Variants in CSMD1 observed in about 807,000 individuals in gnomAD.
CSMD1 encodes CUB and sushi domain-containing protein 1.
Under a neutral mutation model 417.5 loss-of-function variants are expected in CSMD1, and 213 were observed. The observed-to-expected ratio is 0.51, with a 90% CI of 0.46 to 0.57. CSMD1 has a LOEUF of 0.57. Ranked by LOEUF, CSMD1 falls within the 20% of genes least tolerant of loss-of-function variation. The pLI is 0.00. For synonymous variants in CSMD1, 2,862 were observed against 1,736.8 expected (o/e 1.65, Z -16.11); for missense variants, 6,923 against 4,529.7 (o/e 1.53, Z -15.17).
At chr8:3,927,208 A>C (rs970131046) in intron 5 of CSMD1, among the ~76,000 whole-genome samples, 1 of 152,028 alleles carries the variant, frequency 6.6e-6, no homozygotes, top group African/African-American at 2.4e-5. Context: ...ACAGCTTCTA[A>C]TAAATAAATG....
chr8:4,355,592 G>A (rs1429569412), intron 3 of CSMD1, among the ~76,000 whole-genome samples: 1 of 152,180 alleles, frequency 6.6e-6, no homozygotes, highest in Non-Finnish European at 1.5e-5. Flanking sequence ...GGACCAGAGT[G>A]TTCAGACAGA....
intron 1 of CSMD1, among the ~76,000 whole-genome samples, chr8:4,654,732 AATTC>A (rs1804122497): frequency 6.6e-6 from 1 of 152,110 alleles, no homozygotes; most frequent in Non-Finnish European, 1.5e-5. Flanking sequence ...ATGCATTCAT[AATTC>A]AGACAGAGAA....
intron 5 of CSMD1, among the ~76,000 whole-genome samples, chr8:3,888,975 T>C (rs1320125001): frequency 6.6e-6 from 1 of 152,164 alleles, no homozygotes; most frequent in Non-Finnish European, 1.5e-5. Flanking sequence ...TTAAAGAAAC[T>C]TTATCCTTTA....
chr8:3,695,645 G>A (rs1800509288), intron 7 of CSMD1, among the ~76,000 whole-genome samples: 1 of 152,064 alleles, frequency 6.6e-6, no homozygotes. Context: ...AGGAAATTTA[G>A]GTCGAAATAT....
At chr8:4,107,281 A>G (rs756198818) in intron 3 of CSMD1, among the ~76,000 whole-genome samples, 2 of 152,204 alleles carry the variant, frequency 1.3e-5, no homozygotes, top group Non-Finnish European at 2.9e-5. Flanking sequence ...TGCCATTTCA[A>G]CACGCTGCAC....
intron 54 of CSMD1, among the ~76,000 whole-genome samples, chr8:2,984,997 G>A (rs887430036): frequency 6.6e-6 from 1 of 152,150 alleles, no homozygotes; most frequent in Admixed American, 6.5e-5. Flanking sequence ...TAAGTTAACA[G>A]TTAACTCTGA....
intron 25 of CSMD1, among the ~76,000 whole-genome samples, chr8:3,300,741 G>C (rs1804328130): frequency 6.6e-6 from 1 of 151,996 alleles, no homozygotes. Context: ...CAGATCATTG[G>C]AGGTCAGGAG....
intron 51 of CSMD1, among the ~76,000 whole-genome samples, chr8:3,028,644 C>T (rs555577400): frequency 1.4e-4 from 21 of 152,302 alleles, no homozygotes; most frequent in Admixed American, 1.2e-3. Context: ...TTATCAAAGA[C>T]AGTTAAACAT....
chr8:4,885,659 TC>T (rs1164804103), intron 1 of CSMD1, among the ~76,000 whole-genome samples: 1 of 151,776 alleles, frequency 6.6e-6, no homozygotes, highest in Non-Finnish European at 1.5e-5. Flanking sequence ...AATCAACCTT[TC>T]TTTCTTCATT....
chr8:3,632,225 C>A (rs1387583218), intron 7 of CSMD1, among the ~76,000 whole-genome samples: 1 of 152,300 alleles, frequency 6.6e-6, no homozygotes, highest in East Asian at 1.9e-4. Context: ...AAAATGCAAT[C>A]ATTTCTAGGG....
intron 3 of CSMD1, among the ~76,000 whole-genome samples, chr8:4,053,641 G>T (rs2554534): frequency 1.6e-4 from 25 of 152,120 alleles, no homozygotes; most frequent in South Asian, 6.2e-4. Flanking sequence ...GTCTTGCATA[G>T]AGTGTCATAT....
intron 3 of CSMD1, among the ~76,000 whole-genome samples, chr8:4,231,750 A>G (rs1001364923): frequency 4.6e-5 from 7 of 152,204 alleles, no homozygotes; most frequent in African/African-American, 1.2e-4. Flanking sequence ...GAAAAAGTAA[A>G]TAACACTGTT....
intron 17 of CSMD1, among the ~76,000 whole-genome samples, chr8:3,395,824 ATT>A (rs1417129367): frequency 6.6e-6 from 1 of 152,062 alleles, no homozygotes; most frequent in African/African-American, 2.4e-5. Context: ...CCTTTTCTCC[ATT>A]GCCCAGGTTA....
At chr8:4,545,063 C>T (rs969328374) in intron 2 of CSMD1, among the ~76,000 whole-genome samples, 23 of 152,250 alleles carry the variant, frequency 1.5e-4, no homozygotes, top group African/African-American at 5.3e-4. Flanking sequence ...TGTGTGTGCA[C>T]ACATATGTGT....
Position 4,186,544 on chromosome 8 carries a change from A to T in CSMD1, c.416-154445T>A, listed in dbSNP as rs1266797366. On this transcript the variant is annotated intron_variant, in intron 3 of 69. Coordinates refer to ENST00000635120, the MANE Select transcript of CSMD1 (RefSeq NM_033225.6). The stretch of plus-strand genomic sequence containing the variant: ...AAAACTGGTGACTTCACAGCATTAT[A>T]CGAATATAAAAGACGAAATAATAGG... Among the ~76,000 whole-genome samples the T allele has an allele frequency of 2.0e-5, 3 of 152,202 alleles. No homozygotes were observed. In the East Asian group the frequency reaches 5.8e-4, roughly 29 times the overall value.
intron 5 of CSMD1, among the ~76,000 whole-genome samples, chr8:3,859,726 C>A (rs1316763155): frequency 6.6e-6 from 1 of 152,130 alleles, no homozygotes; most frequent in Non-Finnish European, 1.5e-5. Flanking sequence ...ACTCTGGACA[C>A]AGAAACCCGG....
At chr8:4,844,099 G>C (rs929362245) in intron 1 of CSMD1, among the ~76,000 whole-genome samples, 18 of 152,148 alleles carry the variant, frequency 1.2e-4, no homozygotes, top group African/African-American at 4.3e-4. Flanking sequence ...TGCATGAAGT[G>C]TTTGTCTAAG....
At chr8:3,554,325 G>C (rs984730930) in intron 10 of CSMD1, among the ~76,000 whole-genome samples, 6 of 152,332 alleles carry the variant, frequency 3.9e-5, no homozygotes, top group Non-Finnish European at 5.9e-5. Context: ...AGTCAGAAGA[G>C]TGAGAAATAA....
intron 3 of CSMD1, among the ~76,000 whole-genome samples, chr8:4,354,660 G>T (rs558442092): frequency 0.039 from 5,942 of 151,992 alleles, 402 homozygotes; most frequent in African/African-American, 0.14. Context: ...CATCTATGCA[G>T]AATTTAAAAT....
Sources: gnomAD v4.1 joint callset for allele counts (sites outside exome capture counted in the v4.1 genomes callset) on GRCh38, gnomAD v4.1.1 for gene constraint, MANE v1.5 for transcripts, NCBI Gene and HGNC (gene_info 2026-07-23, HGNC 2026-07-21) for gene names.